NEXMIF: variants seen among roughly 807,000 people sequenced by gnomAD.
NEXMIF encodes the protein neurite extension and migration factor, also known as XLMR protein related to neurite extension.
NEXMIF carries 8 observed loss-of-function variants against 62.1 expected under a neutral mutation model. The observed-to-expected ratio is 0.13, with a 90% confidence interval of 0.08 to 0.23. NEXMIF has a LOEUF of 0.23. Among genes scored for constraint, NEXMIF ranks in the 10% least tolerant of loss-of-function variants. The probability of loss-of-function intolerance (pLI) is 1.00; values close to 1 mark genes in which losing one functional copy is unlikely to be tolerated. For synonymous variants in NEXMIF, 404 were observed against 416.6 expected (o/e 0.97, Z 0.37); for missense variants, 976 against 1,113.3 (o/e 0.88, Z 1.75).
intron 1 of NEXMIF, among the ~76,000 whole-genome samples, chrX:74,765,853 G>T: frequency 1.1e-5 from 1 of 90,449 alleles, no homozygotes; most frequent in South Asian, 6.0e-4. Flanking sequence ...TGGTAAAACC[G>T]CATCTCTACT....
chrX:74,908,692 GCA>G (rs745450977), intron 1 of NEXMIF, among the ~76,000 whole-genome samples: 4 of 110,404 alleles, frequency 3.6e-5, no homozygotes, highest in Non-Finnish European at 5.7e-5. Flanking sequence ...ACATGCACGT[GCA>G]CACACACACA....
rs1283125810 is a variant in NEXMIF at position 74,736,205 on chromosome X, G to A, written c.*3200C>T. The A allele has an allele frequency of 9.0e-6, 1 of 111,284 alleles. No individual in the cohort carries two copies. Among genetic ancestry groups the A allele is most frequent in the Non-Finnish European group, 1.9e-5 (1 of 53,039 alleles). The allele number at this position is 111,284 out of a possible 1,213,427, so 9.2% of individuals were successfully genotyped here. ...TAAAAAAAATTTAATTAAAAAATTA[G>A]ATTTGAAAATAGCCAAAGCAATTAA... On this transcript the variant is annotated 3_prime_UTR_variant, in exon 4 of 4. Coordinates refer to ENST00000055682, the MANE Select transcript of NEXMIF (RefSeq NM_001008537.3).
At position 74,831,481 on chromosome X, in the gene NEXMIF, A is replaced by C. The variant is rs762077153; in HGVS notation, c.-47-85784T>G. On this transcript the variant is annotated intron_variant, in intron 1 of 3. Coordinates refer to ENST00000055682, the MANE Select transcript of NEXMIF (RefSeq NM_001008537.3). ...TCCTTGCGATAGTTTGCTGAGAATG[A>C]TGGTTTCCAGTTTCATCCATGTCCC... 4.3e-3 allele frequency among the ~76,000 whole-genome samples: 470 copies of C among 109,032 alleles called. 3 individuals are homozygous for C. Among genetic ancestry groups the C allele is most frequent in the Non-Finnish European group, 6.9e-3 (360 of 52,531 alleles). 94.7% of individuals were successfully genotyped at this position (109,032 alleles called of 115,157 possible).
chrX:74,792,942 G>A (rs1184455700), intron 1 of NEXMIF, among the ~76,000 whole-genome samples: 1 of 106,918 alleles, frequency 9.4e-6, no homozygotes, highest in Non-Finnish European at 1.9e-5. Context: ...TTGCCAGTCT[G>A]TGTCTTTTAA....
chrX:74,851,701 C>T (rs2080514278), intron 1 of NEXMIF, among the ~76,000 whole-genome samples: 1 of 111,401 alleles, frequency 9.0e-6, no homozygotes, highest in Non-Finnish European at 1.9e-5. Flanking sequence ...AATTCATCAG[C>T]ATAAGACCAA....
chrX:74,853,711 AAGAG>A (rs994008952), intron 1 of NEXMIF, among the ~76,000 whole-genome samples: 1 of 111,215 alleles, frequency 9.0e-6, no homozygotes, highest in African/African-American at 3.3e-5. Flanking sequence ...TAACCAAAAA[AAGAG>A]AGAGAAGACT....
intron 1 of NEXMIF, among the ~76,000 whole-genome samples, chrX:74,821,756 A>C (rs2080397062): frequency 9.0e-6 from 1 of 111,304 alleles, no homozygotes; most frequent in African/African-American, 3.3e-5. Flanking sequence ...TTTCTGAGAC[A>C]AAGATTTCTG....
At chrX:74,901,465 T>C (rs1390361033) in intron 1 of NEXMIF, among the ~76,000 whole-genome samples, 1 of 111,892 alleles carries the variant, frequency 8.9e-6, no homozygotes, top group South Asian at 3.8e-4. Flanking sequence ...GGCACAACTT[T>C]CACCACTTGT....
rs192909663 is a variant in NEXMIF at position 74,835,762 on chromosome X, A to T, written c.-48+89121T>A. Among the ~76,000 whole-genome samples the T allele has an allele frequency of 7.1e-4, 79 of 110,963 alleles. No homozygotes were observed. The East Asian group carries it at 0.02, about 29-fold the overall frequency. On this transcript the variant is annotated intron_variant, in intron 1 of 3. Transcript: ENST00000055682. ...TTACCCAAGGTCTGCTGAAACCACT[A>T]CCTGGCTACCACCCACATTTACTCA...
chrX:74,778,147 A>G (rs972286338), intron 1 of NEXMIF, among the ~76,000 whole-genome samples: 4 of 111,832 alleles, frequency 3.6e-5, no homozygotes, highest in African/African-American at 1.3e-4. Context: ...GCCAAATTCC[A>G]CCTCATTTTA....
chrX:74,855,729 T>C (rs914280369), intron 1 of NEXMIF, among the ~76,000 whole-genome samples: 2 of 112,103 alleles, frequency 1.8e-5, no homozygotes, highest in Non-Finnish European at 3.8e-5. Flanking sequence ...ATTGAAGGCA[T>C]ACTTCCAACA....
chrX:74,849,223 C>T (rs1039003857), intron 1 of NEXMIF, among the ~76,000 whole-genome samples: 20 of 112,129 alleles, frequency 1.8e-4, no homozygotes, highest in African/African-American at 6.2e-4. Flanking sequence ...ATTGATCATC[C>T]AAAAGACAAC....
At chrX:74,814,611 A>C (rs186561528) in intron 1 of NEXMIF, among the ~76,000 whole-genome samples, 1 of 112,430 alleles carries the variant, frequency 8.9e-6, no homozygotes, top group Admixed American at 9.5e-5. Flanking sequence ...ACTGATGCAC[A>C]TGAAACAATT....
intron 1 of NEXMIF, among the ~76,000 whole-genome samples, chrX:74,820,396 T>C (rs1252252846): frequency 9.0e-6 from 1 of 111,015 alleles, no homozygotes; most frequent in Non-Finnish European, 1.9e-5. Flanking sequence ...AAAGCTTATA[T>C]ACTGTTGTTG....
intron 1 of NEXMIF, among the ~76,000 whole-genome samples, chrX:74,852,135 A>G (rs1046360976): frequency 9.0e-6 from 1 of 111,694 alleles, no homozygotes; most frequent in Non-Finnish European, 1.9e-5. Context: ...TATTCCATGC[A>G]AATTGAAATA....
chrX:74,901,048 C>T (rs1416637126), intron 1 of NEXMIF, among the ~76,000 whole-genome samples: 2 of 111,506 alleles, frequency 1.8e-5, no homozygotes, highest in African/African-American at 6.5e-5. Flanking sequence ...GTTTCAGTAT[C>T]ACAAGATGAA....
At chrX:74,877,502 G>T (rs1042790885) in intron 1 of NEXMIF, among the ~76,000 whole-genome samples, 1 of 110,874 alleles carries the variant, frequency 9.0e-6, no homozygotes, top group Non-Finnish European at 1.9e-5. Flanking sequence ...TATCTCTGGG[G>T]CGTTCTCTGT....
chrX:74,867,365 T>C (rs781425086), intron 1 of NEXMIF, among the ~76,000 whole-genome samples: 2 of 111,669 alleles, frequency 1.8e-5, no homozygotes, highest in African/African-American at 6.5e-5. Context: ...CATCACATCA[T>C]GCCACCCAAC....
Position 74,734,537 on chromosome X carries a change from G to A in NEXMIF, c.*4868C>T, listed in dbSNP as rs1454803676. 2.7e-5 allele frequency: 3 copies of A among 111,870 alleles called. No individual in the cohort carries two copies. The highest frequency in any genetic ancestry group is 3.8e-4 in the South Asian group (1 of 2,636). The allele number at this position is 111,870 out of a possible 1,213,427, so 9.2% of individuals were successfully genotyped here. ...TATCTCTTTTCTTCTTTTTGAAATGGGATGTCATTCTGAGACTCAGAAACC... is the reference window on the plus strand; with the variant it reads ...TATCTCTTTTCTTCTTTTTGAAATGAGATGTCATTCTGAGACTCAGAAACC... On this transcript the variant is annotated 3_prime_UTR_variant, in exon 4 of 4. Transcript: ENST00000055682.
Sources: gnomAD v4.1 joint callset for allele counts (sites outside exome capture counted in the v4.1 genomes callset) on GRCh38, gnomAD v4.1.1 for gene constraint, MANE v1.5 for transcripts, NCBI Gene and HGNC (gene_info 2026-07-23, HGNC 2026-07-21) for gene names.